Variants in OSBP2 observed in about 807,000 individuals in gnomAD.
OSBP2 encodes the protein oxysterol binding protein 2, also known as oxysterol-binding protein 2.
Under a neutral mutation model 96.0 loss-of-function variants are expected in OSBP2, and 66 were observed. The observed-to-expected ratio is 0.69, with a 90% CI of 0.56 to 0.84. The LOEUF (loss-of-function observed/expected upper bound fraction) is 0.84, where lower values mean the gene tolerates loss of function less well. OSBP2 is among the 40% of genes least tolerant of loss of function. The probability of loss-of-function intolerance (pLI) is 0.00; values close to 1 mark genes in which losing one functional copy is unlikely to be tolerated. For synonymous variants in OSBP2, 525 were observed against 520.9 expected (o/e 1.01, Z -0.11); for missense variants, 1,038 against 1,222.7 (o/e 0.85, Z 2.25).
intron 2 of OSBP2, among the ~76,000 whole-genome samples, chr22:30,808,106 A>C (rs1220818492): frequency 6.6e-6 from 1 of 152,142 alleles, no homozygotes; most frequent in African/African-American, 2.4e-5. Flanking sequence ...ATTTTACTGC[A>C]GGCCAGGTAC....
intron 2 of OSBP2, among the ~76,000 whole-genome samples, chr22:30,823,206 G>C (rs136224): frequency 0.5 from 75,486 of 151,804 alleles, 19,069 homozygotes; most frequent in Middle Eastern, 0.67. Flanking sequence ...CTCCCTCCCC[G>C]TCCCGTGGTG....
At chr22:30,791,756 T>C (rs2090679312) in intron 2 of OSBP2, among the ~76,000 whole-genome samples, 1 of 152,084 alleles carries the variant, frequency 6.6e-6, no homozygotes, top group South Asian at 2.1e-4. Context: ...AATGGAAGAG[T>C]GTCTTAGCTA....
At chr22:30,818,344 C>G (rs1201783589) in intron 2 of OSBP2, among the ~76,000 whole-genome samples, 1 of 152,062 alleles carries the variant, frequency 6.6e-6, no homozygotes, top group Non-Finnish European at 1.5e-5. Context: ...TAAACAGCTC[C>G]CTGATATTCC....
intron 2 of OSBP2, among the ~76,000 whole-genome samples, chr22:30,851,725 A>G (rs2038981999): frequency 6.6e-6 from 1 of 152,146 alleles, no homozygotes; most frequent in South Asian, 2.1e-4. Context: ...GGTTTTAGGA[A>G]TAAGGAAAAT....
chr22:30,889,722 T>C, intron 7 of OSBP2, 86 bp downstream of exon 7: 1 of 1,264,618 alleles, frequency 7.9e-7, no homozygotes, highest in East Asian at 2.3e-5. Flanking sequence ...CTGTGTGAAG[T>C]ACACACAGCC....
Position 30,889,647 on chromosome 22 carries a change from C to G in OSBP2, c.1623+11C>G. 6.2e-7 allele frequency: 1 copy of G among 1,613,616 alleles called. No individual in the cohort carries two copies. The highest frequency in any genetic ancestry group is 8.5e-7 in the Non-Finnish European group (1 of 1,179,924). On this transcript the variant is annotated intron_variant, in intron 7 of 13. Coordinates refer to ENST00000332585, the MANE Select transcript of OSBP2 (RefSeq NM_030758.4). ...AGGATCCCCATGCCGGTGGGTGGCT[C>G]GGGCAGGGCAGCCCCGACAGGTCCT... is the stretch of plus-strand genomic sequence containing the variant.
intron 2 of OSBP2, among the ~76,000 whole-genome samples, chr22:30,784,167 T>C (rs991071742): frequency 1.2e-4 from 19 of 152,194 alleles, no homozygotes; most frequent in African/African-American, 4.6e-4. Flanking sequence ...ATTTATGTAT[T>C]TGTAGGAATT....
rs1211325582 is a variant in OSBP2, at chr22:30,906,006, C to G, written c.2545C>G (p.Arg849Gly). 4 of 1,586,984 alleles carry G rather than the reference C, an allele frequency of 2.5e-6. No individual in the cohort carries two copies. The highest frequency in any genetic ancestry group is 3.4e-6 in the Non-Finnish European group (4 of 1,167,452). Residue 849 changes from arginine to glycine, a missense_variant, in exon 13 of 14, where the codon CGC becomes GGC. By Grantham distance (125) the Arg-to-Gly change is moderately radical. Transcript: ENST00000332585. ...GAAGCAGCGGCTGGAGGAGAAGCAG[C>G]GCCTGTCGCGGCGCCGGCGGCTGGA... ...TEKQRLEEKQ[R>G]LSRRRRLEAC...
chr22:30,887,751 G>C (rs1402918808), intron 4 of OSBP2, 133 bp downstream of exon 4: 3 of 703,256 alleles, frequency 4.3e-6, no homozygotes, highest in Non-Finnish European at 7.0e-6. Flanking sequence ...ACTCTTGACT[G>C]CCTCTTCGTG....
At chr22:30,876,271 C>T (rs1376368322) in intron 3 of OSBP2, among the ~76,000 whole-genome samples, 2 of 152,354 alleles carry the variant, frequency 1.3e-5, no homozygotes, top group East Asian at 1.9e-4. Flanking sequence ...GCTCTGAAGC[C>T]CCCCTCCTCT....
intron 2 of OSBP2, among the ~76,000 whole-genome samples, chr22:30,846,635 T>A (rs1241457450): frequency 1.3e-5 from 2 of 152,150 alleles, no homozygotes; most frequent in African/African-American, 4.8e-5. Flanking sequence ...TTTACATTTC[T>A]CTAATAACTA....
chr22:30,774,338 A>T (rs1476096822), intron 2 of OSBP2, among the ~76,000 whole-genome samples: 1 of 152,192 alleles, frequency 6.6e-6, no homozygotes, highest in East Asian at 1.9e-4. Context: ...GTTGTCATTT[A>T]TAGGGGTAGC....
chr22:30,845,893 A>G (rs985091275), intron 2 of OSBP2, among the ~76,000 whole-genome samples: 121 of 151,770 alleles, frequency 8.0e-4, no homozygotes, highest in Non-Finnish European at 1.4e-3. Context: ...AAAAAAAAAA[A>G]AAAAAGGCAG....
Position 30,715,289 on chromosome 22 carries a change from C to G in OSBP2, c.644+19736C>G, listed in dbSNP as rs141199808. ...TTGTTTTGTTTTTGATAGTAGCCAT[C>G]CTAATGGATGTGAGATGGTATCTAT... On this transcript the variant is annotated intron_variant, in intron 1 of 13. Coordinates refer to ENST00000332585, the MANE Select transcript of OSBP2 (RefSeq NM_030758.4). Among the ~76,000 whole-genome samples the G allele has an allele frequency of 3.8e-3, 582 of 151,638 alleles. 3 individuals are homozygous for G. The highest frequency in any genetic ancestry group is 0.012 in the African/African-American group (486 of 41,418).
intron 8 of OSBP2, 73 bp from the exon 9 acceptor site, chr22:30,893,049 C>T: frequency 6.3e-7 from 1 of 1,579,732 alleles, no homozygotes; most frequent in Non-Finnish European, 8.6e-7. Context: ...GCAAGCTGTC[C>T]CTCCCTGGCT....
At chr22:30,737,480 A>G (rs28579185) in intron 1 of OSBP2, among the ~76,000 whole-genome samples, 2,064 of 148,988 alleles carry the variant, frequency 0.014, 41 homozygotes, top group African/African-American at 0.048. Context: ...ACACCACCTC[A>G]CTTGGCTAAT....
intron 2 of OSBP2, among the ~76,000 whole-genome samples, chr22:30,849,198 GAT>G (rs1236817210): frequency 6.6e-6 from 1 of 152,164 alleles, no homozygotes; most frequent in Non-Finnish European, 1.5e-5. Context: ...AGCCCAAGGA[GAT>G]TAAGAGTGTA....
chr22:30,718,286 C>T (rs918582762), intron 1 of OSBP2, among the ~76,000 whole-genome samples: 3 of 152,170 alleles, frequency 2.0e-5, no homozygotes, highest in African/African-American at 7.2e-5. Flanking sequence ...TCAGGGATGG[C>T]AGAAAGAAAC....
At position 30,774,377 on chromosome 22, in the gene OSBP2, C is replaced by CGT. The variant is rs139553914; in HGVS notation, c.853+33008_853+33009insGT. ...CAATAAAGTTGGGCCCTTCTCAACT[C>CGT]CTCTGTGAGGTGACGGTCATTGTGG... On this transcript the variant is annotated intron_variant, in intron 2 of 13. Coordinates refer to ENST00000332585, the MANE Select transcript of OSBP2 (RefSeq NM_030758.4). 8.8e-3 allele frequency among the ~76,000 whole-genome samples: 1,337 copies of CGT among 152,270 alleles called. 42 individuals carry two copies. The East Asian group carries it at 0.12, about 13-fold the overall frequency.
Sources: gnomAD v4.1 joint callset for allele counts (sites outside exome capture counted in the v4.1 genomes callset) on GRCh38, gnomAD v4.1.1 for gene constraint, MANE v1.5 for transcripts, NCBI Gene and HGNC (gene_info 2026-07-23, HGNC 2026-07-21) for gene names.